Variants in WDR4 observed in about 807,000 individuals in gnomAD.
WDR4 encodes the protein WDR4 tRNA N7-guanosine methyltransferase non-catalytic subunit.
A neutral mutation model predicts 48.6 loss-of-function variants in WDR4; 47 were observed. That is an observed-to-expected ratio of 0.97 (90% CI 0.77 to 1.23). The LOEUF is 1.23. Among genes scored for constraint, WDR4 ranks in the 50% most tolerant of loss-of-function variants. The pLI is 0.00. For synonymous variants in WDR4, 268 were observed against 230.0 expected (o/e 1.17, Z -1.49); for missense variants, 606 against 551.6 (o/e 1.10, Z -0.99).
chr21:42,875,482 G>A (rs1196298863), intron 2 of WDR4, among the ~76,000 whole-genome samples: 20 of 152,162 alleles, frequency 1.3e-4, no homozygotes. Context: ...TTAAACCAGG[G>A]AGGTGGAGGT....
chr21:42,844,412 T>C (rs3746935), downstream of WDR4, among the ~76,000 whole-genome samples: 5,593 of 152,196 alleles, frequency 0.037, 139 homozygotes, highest in South Asian at 0.11. Flanking sequence ...AGTCAAGAGA[T>C]AGAAACATTT....
intron 1 of WDR4, among the ~76,000 whole-genome samples, chr21:42,877,626 G>A (rs2058525493): frequency 6.6e-6 from 1 of 151,950 alleles, no homozygotes; most frequent in African/African-American, 2.4e-5. Context: ...ATCTCTTATT[G>A]GAGTACGTCA....
chr21:42,845,634 A>C (rs2057704265), downstream of WDR4, among the ~76,000 whole-genome samples: 5 of 152,166 alleles, frequency 3.3e-5, no homozygotes. Flanking sequence ...GCAAAACTCC[A>C]CACCACACAC....
intron 9 of WDR4, among the ~76,000 whole-genome samples, chr21:42,852,864 G>A (rs371234746): frequency 2.7e-5 from 4 of 150,644 alleles, no homozygotes; most frequent in South Asian, 4.2e-4. Flanking sequence ...GCGGTGAGCC[G>A]AGATAGCGCC....
chr21:42,863,833 G>T (rs957073249), intron 3 of WDR4, among the ~76,000 whole-genome samples: 1 of 150,428 alleles, frequency 6.6e-6, no homozygotes, highest in Admixed American at 6.6e-5. Flanking sequence ...CTAGCCGGGC[G>T]CAGTGGCTCA....
chr21:42,852,108 C>G (rs1382381069), intron 10 of WDR4, 147 bp downstream of exon 10: 4 of 851,460 alleles, frequency 4.7e-6, no homozygotes, highest in African/African-American at 1.7e-5. Context: ...TCCTGCCCTG[C>G]CCCGCCTTCT....
At chr21:42,870,084 C>G (rs2058337450) in intron 3 of WDR4, among the ~76,000 whole-genome samples, 1 of 151,888 alleles carries the variant, frequency 6.6e-6, no homozygotes, top group African/African-American at 2.4e-5. Flanking sequence ...GGCTCAGTGG[C>G]TCACGCCTGT....
chr21:42,860,972 G>A (rs553234756), intron 5 of WDR4, among the ~76,000 whole-genome samples: 1 of 152,254 alleles, frequency 6.6e-6, no homozygotes, highest in African/African-American at 2.4e-5. Flanking sequence ...GCCACACACA[G>A]GGGCCACGGG....
chr21:42,848,384 TCACA>T (rs1170140393), downstream of WDR4, among the ~76,000 whole-genome samples: 1 of 114,712 alleles, frequency 8.7e-6, no homozygotes, highest in Non-Finnish European at 1.8e-5. Context: ...TGCACCTCAC[TCACA>T]CAGCACACGA....
intron 10 of WDR4, 99 bp from the exon 11 acceptor site, chr21:42,850,341 CCA>C: frequency 8.7e-7 from 1 of 1,152,964 alleles, no homozygotes; most frequent in Non-Finnish European, 1.2e-6. Context: ...CTCGTGACTC[CCA>C]GAGTCCTCGG....
upstream of WDR4, chr21:42,883,878 T>C (rs2058622716): frequency 6.5e-6 from 1 of 152,952 alleles, no homozygotes; most frequent in Non-Finnish European, 1.5e-5. Flanking sequence ...ATATACAGAA[T>C]TGTGCATCCA....
At chr21:42,864,979 T>C (rs1352076944) in intron 3 of WDR4, among the ~76,000 whole-genome samples, 2 of 152,136 alleles carry the variant, frequency 1.3e-5, no homozygotes, top group Non-Finnish European at 2.9e-5. Context: ...GGCAGACAAG[T>C]ACAGGGCGCC....
downstream of WDR4, among the ~76,000 whole-genome samples, chr21:42,848,997 T>A (rs1274259857): frequency 2.8e-5 from 3 of 105,740 alleles, no homozygotes; most frequent in African/African-American, 3.5e-5. Flanking sequence ...AGCGTGCACC[T>A]CACACACAGC....
chr21:42,888,584 A>G, the WDR4 span, among the ~76,000 whole-genome samples: 30 of 151,448 alleles, frequency 2.0e-4, no homozygotes, highest in Non-Finnish European at 4.1e-4. Context: ...ATCAATAAAT[A>G]TCATACATAT....
chr21:42,868,720 G>A (rs375100566), intron 3 of WDR4, among the ~76,000 whole-genome samples: 1 of 152,238 alleles, frequency 6.6e-6, no homozygotes, highest in South Asian at 2.1e-4. Flanking sequence ...TCCACCTCTG[G>A]AGGGGCTGGG....
chr21:42,874,545 T>C (rs1601179388), intron 2 of WDR4, among the ~76,000 whole-genome samples: 1 of 152,162 alleles, frequency 6.6e-6, no homozygotes, highest in South Asian at 2.1e-4. Flanking sequence ...ATGGGAGATA[T>C]ATAGCTGAAT....
At chr21:42,850,722 C>T (rs1038398212) in intron 10 of WDR4, among the ~76,000 whole-genome samples, 5 of 152,180 alleles carry the variant, frequency 3.3e-5, no homozygotes, top group East Asian at 1.9e-4. Flanking sequence ...CAGCTGAGTC[C>T]GGACCCCTGA....
rs1383223544 is a variant in WDR4 at position 42,862,776 on chromosome 21, CAT to C, written c.454-384_454-383del. Among the ~76,000 whole-genome samples, 2 of 152,080 alleles carry C rather than the reference CAT, an allele frequency of 1.3e-5. No homozygotes were observed. The highest frequency in any genetic ancestry group is 2.9e-5 in the Non-Finnish European group (2 of 68,016). On this transcript the variant is annotated intron_variant, in intron 4 of 10. Transcript: ENST00000398208. The surrounding 1 kb of genome is among the most constrained non-coding windows in gnomAD (Gnocchi z 4.3). ...TTGCCTTCCTTGCCTTCCTGTCACA[CAT>C]GTCCCCACACCCATCTGTCACCAAG...
Position 42,853,641 on chromosome 21 carries a change from C to T in WDR4, c.903G>A (p.Gln301=). 6.2e-7 allele frequency: 1 copy of T among 1,605,756 alleles called. No individual in the cohort carries two copies. Among genetic ancestry groups the T allele is most frequent in the Non-Finnish European group, 8.5e-7 (1 of 1,177,270 alleles). ...GGCAGTCCTGGAGCACCCACAGCCC[C>T]TGGGTCTCCTCGAAAGCCACGTCCC... ...QVWDVAFEET[Q]GLWVLQDCQE... The change falls in exon 9 of 11, where the codon CAG becomes CAA. Residue 301 remains glutamine (Q), a synonymous_variant. Coordinates refer to ENST00000398208, the MANE Select transcript of WDR4 (RefSeq NM_018669.6).
Sources: allele counts gnomAD v4.1 joint callset (sites outside exome capture counted in the v4.1 genomes callset), GRCh38; gene constraint gnomAD v4.1.1; non-coding constraint Gnocchi (gnomAD v3.1); transcripts MANE v1.5; gene names NCBI Gene and HGNC (gene_info 2026-07-23, HGNC 2026-07-21).